The following ATG5 variants were observed in gnomAD, a reference collection of about 807,000 sequenced individuals.
ATG5 encodes autophagy protein 5.
In ATG5, 14 loss-of-function variants were observed where a neutral mutation model predicts 36.5. The observed-to-expected ratio is 0.38, with a 90% CI of 0.25 to 0.60. The LOEUF is 0.60. Ranked by LOEUF, ATG5 falls within the 20% of genes least tolerant of loss-of-function variation. The pLI is 0.60. For synonymous variants in ATG5, 95 were observed against 101.5 expected (o/e 0.94, Z 0.38); for missense variants, 195 against 326.7 (o/e 0.60, Z 3.11).
At chr6:106,214,879 A>C (rs1487229783) in intron 6 of ATG5, among the ~76,000 whole-genome samples, 1 of 152,214 alleles carries the variant, frequency 6.6e-6, no homozygotes, top group African/African-American at 2.4e-5. Context: ...GCCAAAAAAG[A>C]AGCTTCATAT....
chr6:106,222,215 G>A (rs1262193184), intron 6 of ATG5, among the ~76,000 whole-genome samples: 1 of 152,082 alleles, frequency 6.6e-6, no homozygotes, highest in Non-Finnish European at 1.5e-5. Context: ...GTGGAGAGAG[G>A]TAAAGAAAAC....
chr6:106,314,565 T>TA, intron 2 of ATG5, among the ~76,000 whole-genome samples: 1 of 151,970 alleles, frequency 6.6e-6, no homozygotes, highest in East Asian at 1.9e-4. Flanking sequence ...TCAAAATAAA[T>TA]AATAAATAAA....
chr6:106,295,211 T>C (rs1183550285), intron 3 of ATG5, among the ~76,000 whole-genome samples: 1 of 152,186 alleles, frequency 6.6e-6, no homozygotes, highest in Non-Finnish European at 1.5e-5. Context: ...TTTAACGTCT[T>C]CAATTTATTT....
At chr6:106,233,960 C>T (rs1046263918) in intron 6 of ATG5, among the ~76,000 whole-genome samples, 1 of 152,110 alleles carries the variant, frequency 6.6e-6, no homozygotes, top group African/African-American at 2.4e-5. Context: ...CTTCACTGCC[C>T]ACACCCATAT....
chr6:106,248,224 C>A lies in ATG5; in HGVS notation c.499G>T (p.Ala167Ser), dbSNP rs376999465. 1 of 1,611,420 alleles carries A rather than the reference C, an allele frequency of 6.2e-7. No homozygotes were observed. Among genetic ancestry groups the A allele is most frequent in the African/African-American group, 1.3e-5 (1 of 74,802 alleles). ...LQNDRFDQFW[A>S]INRKLMEYPA... Reference sequence around the variant, plus strand: ...TATTCCATGAGTTTCCGATTGATGGCCCAAAACTGGTCAAATCTGTCTGTA... The same window carrying A: ...TATTCCATGAGTTTCCGATTGATGGACCAAAACTGGTCAAATCTGTCTGTA... The change falls in exon 6 of 8, where the codon GCC becomes TCC. Residue 167 changes from alanine (A) to serine (S), a missense_variant. Coordinates refer to ENST00000369076, the MANE Select transcript of ATG5 (RefSeq NM_004849.4).
At chr6:106,201,470 C>T (rs998451145) in intron 7 of ATG5, among the ~76,000 whole-genome samples, 40 of 151,980 alleles carry the variant, frequency 2.6e-4, no homozygotes, top group African/African-American at 9.2e-4. Flanking sequence ...ACAAAATTAG[C>T]GCCATGAAAC....
chr6:106,314,192 GAAAA>G (rs1181906026), intron 2 of ATG5, among the ~76,000 whole-genome samples: 1 of 152,084 alleles, frequency 6.6e-6, no homozygotes, highest in African/African-American at 2.4e-5. Flanking sequence ...GGTCTATAAA[GAAAA>G]AATACTGTAT....
intron 5 of ATG5, among the ~76,000 whole-genome samples, chr6:106,264,211 T>C (rs1433753399): frequency 6.6e-6 from 1 of 151,908 alleles, no homozygotes; most frequent in African/African-American, 2.4e-5. Flanking sequence ...CAAGTATCAA[T>C]AGCCAAACTG....
At chr6:106,227,885 T>C (rs1253943835) in intron 6 of ATG5, among the ~76,000 whole-genome samples, 2 of 152,164 alleles carry the variant, frequency 1.3e-5, no homozygotes, top group African/African-American at 2.4e-5. Flanking sequence ...CAATTACTAG[T>C]TGTAATTCAA....
At chr6:106,321,676 G>A (rs1487043987) in intron 1 of ATG5, among the ~76,000 whole-genome samples, 2 of 152,214 alleles carry the variant, frequency 1.3e-5, no homozygotes, top group Non-Finnish European at 2.9e-5. Context: ...ATCCTCTTAA[G>A]TGTCGGCTTA....
intron 6 of ATG5, among the ~76,000 whole-genome samples, chr6:106,241,805 C>T (rs913672381): frequency 3.3e-5 from 5 of 152,130 alleles, no homozygotes; most frequent in African/African-American, 7.2e-5. Flanking sequence ...GTCAACAGCC[C>T]ATCCCATCAC....
At chr6:106,194,774 T>A (rs915045548) in intron 7 of ATG5, among the ~76,000 whole-genome samples, 4 of 152,188 alleles carry the variant, frequency 2.6e-5, no homozygotes, top group African/African-American at 9.7e-5. Flanking sequence ...TGACCTCAGG[T>A]GATCCACCCG....
At chr6:106,195,818 A>AC (rs1776158265) in intron 7 of ATG5, among the ~76,000 whole-genome samples, 1 of 151,450 alleles carries the variant, frequency 6.6e-6, no homozygotes, top group Non-Finnish European at 1.5e-5. Flanking sequence ...TAAAAAAAAA[A>AC]AAAAAAAAAA....
intron 6 of ATG5, among the ~76,000 whole-genome samples, chr6:106,211,875 A>C (rs73775389): frequency 0.025 from 3,746 of 152,330 alleles, 64 homozygotes; most frequent in African/African-American, 0.049. Flanking sequence ...GTTTTTATTC[A>C]TCAGCTACTT....
chr6:106,320,294 G>C (rs138918452), intron 1 of ATG5, among the ~76,000 whole-genome samples: 1 of 152,134 alleles, frequency 6.6e-6, no homozygotes, highest in East Asian at 1.9e-4. Flanking sequence ...AGGAGGGGTT[G>C]GAGATATTAA....
intron 1 of ATG5, among the ~76,000 whole-genome samples, chr6:106,316,702 TCTC>T (rs1770864809): frequency 6.6e-6 from 1 of 152,134 alleles, no homozygotes; most frequent in Admixed American, 6.6e-5. Flanking sequence ...CCAGATAGTT[TCTC>T]CTCTCTTCCT....
chr6:106,220,387 A>G (rs2114424968), intron 6 of ATG5, among the ~76,000 whole-genome samples: 1 of 152,238 alleles, frequency 6.6e-6, no homozygotes, highest in East Asian at 1.9e-4. Context: ...AAAACCTTGA[A>G]AATTTAATAA....
chr6:106,261,540 G>A (rs936150424), intron 5 of ATG5, among the ~76,000 whole-genome samples: 1 of 152,212 alleles, frequency 6.6e-6, no homozygotes, highest in African/African-American at 2.4e-5. Context: ...TGGCACAGCT[G>A]TTGTGATGGC....
intron 6 of ATG5, among the ~76,000 whole-genome samples, chr6:106,207,530 A>G (rs1776680188): frequency 6.6e-6 from 1 of 150,456 alleles, no homozygotes. Flanking sequence ...GAGAGACCTC[A>G]TCTCTTAAAA....
Sources: gnomAD v4.1 joint callset for allele counts (sites outside exome capture counted in the v4.1 genomes callset) on GRCh38, gnomAD v4.1.1 for gene constraint, MANE v1.5 for transcripts, NCBI Gene and HGNC (gene_info 2026-07-23, HGNC 2026-07-21) for gene names.